Variants in ENTPD5 observed in about 807,000 individuals in gnomAD.
ENTPD5 encodes ectonucleoside triphosphate diphosphohydrolase 5 (inactive).
ENTPD5 carries 49 observed loss-of-function variants against 60.2 expected under a neutral mutation model. That is an observed-to-expected ratio of 0.81 (90% CI 0.65 to 1.03). The LOEUF is 1.03. Ranked by LOEUF, ENTPD5 falls within the 50% of genes least tolerant of loss-of-function variation. The pLI is 0.00. For missense variants in ENTPD5, 480 were observed against 507.6 expected, an observed-to-expected ratio of 0.95 and a Z score of 0.52; for synonymous variants, 187 against 185.4, an observed-to-expected ratio of 1.01 and a Z score of -0.07.
chr14:74,008,617 G>C (rs187783456), intron 3 of ENTPD5, among the ~76,000 whole-genome samples: 2 of 151,886 alleles, frequency 1.3e-5, no homozygotes, highest in African/African-American at 2.4e-5. Flanking sequence ...GGAGGGTCTC[G>C]ATCTCCTGAC....
chr14:74,017,715 G>A (rs1267768922), intron 1 of ENTPD5, among the ~76,000 whole-genome samples: 549 of 130,830 alleles, frequency 4.2e-3, no homozygotes, highest in Middle Eastern at 0.035. Flanking sequence ...GTGAAACTCT[G>A]TCTCTACCAA....
At chr14:74,013,906 T>C (rs535147064) in intron 2 of ENTPD5, among the ~76,000 whole-genome samples, 1 of 152,266 alleles carries the variant, frequency 6.6e-6, no homozygotes, top group East Asian at 1.9e-4. Context: ...ACTTAGGTAA[T>C]TTTTCATTGC....
intron 3 of ENTPD5, among the ~76,000 whole-genome samples, chr14:73,999,815 C>T (rs1294533145): frequency 6.7e-6 from 1 of 150,106 alleles, no homozygotes; most frequent in Non-Finnish European, 1.5e-5. Flanking sequence ...AAGGGCCGGG[C>T]GCAGTAGCTT....
At chr14:74,010,542 G>A (rs915016943) in intron 3 of ENTPD5, among the ~76,000 whole-genome samples, 2 of 150,164 alleles carry the variant, frequency 1.3e-5, no homozygotes, top group Admixed American at 6.6e-5. Flanking sequence ...CAACAAGAGC[G>A]AAACTCTATC....
chr14:73,956,120 G>T (rs962144865), downstream of ENTPD5: 5 of 612,376 alleles, frequency 8.2e-6, no homozygotes, highest in East Asian at 6.9e-5. Context: ...GTCAGGAGAT[G>T]GAGACCATCC....
At chr14:73,972,166 C>T (rs1251595577) in intron 13 of ENTPD5, among the ~76,000 whole-genome samples, 1 of 151,854 alleles carries the variant, frequency 6.6e-6, no homozygotes, top group Non-Finnish European at 1.5e-5. Flanking sequence ...ATAACGAGGT[C>T]AGGAGTTCAA....
chr14:73,983,989 C>T (rs1289507974), intron 5 of ENTPD5, among the ~76,000 whole-genome samples: 1 of 151,860 alleles, frequency 6.6e-6, no homozygotes. Context: ...CCGTGCCTGG[C>T]CAAATTATTC....
In ENTPD5 at chr14:74,008,617, G is replaced by A. The variant is rs187783456; in HGVS notation, c.-71+2474C>T. 2.2e-3 allele frequency among the ~76,000 whole-genome samples: 329 copies of A among 152,004 alleles called. 1 individual carries two copies. The highest frequency in any genetic ancestry group is 7.8e-3 in the African/African-American group (322 of 41,470). On this transcript the variant is annotated intron_variant, in intron 3 of 15. Coordinates refer to ENST00000334696, the MANE Select transcript of ENTPD5 (RefSeq NM_001249.5). ...TCACAGTGTTAGCCAGGAGGGTCTC[G>A]ATCTCCTGACCTCATGATCCACCCG...
At chr14:73,988,680 A>T (rs1309061700) in intron 3 of ENTPD5, among the ~76,000 whole-genome samples, 1 of 152,162 alleles carries the variant, frequency 6.6e-6, no homozygotes, top group Non-Finnish European at 1.5e-5. Flanking sequence ...ACACCCCACT[A>T]GCCTTCCCAG....
In ENTPD5 at chr14:73,972,953, CCT is replaced by C. The variant is rs1487813428; in HGVS notation, c.956_957del (p.Glu319GlyfsTer15). The C allele has an allele frequency of 6.2e-7, 1 of 1,614,114 alleles. No homozygotes were observed. Among genetic ancestry groups the C allele is most frequent in the Non-Finnish European group, 8.5e-7 (1 of 1,180,046 alleles). ...RVVRGKLHQPEEVQRGSFYAF... is the reference protein window; with the variant it reads ...RVVRGKLHQPXEVQRGSFYAF... Reference sequence around the variant, plus strand: ...GCATAGAAGGAACCTCTCTGGACCTCCTCTGGCTGGTGAAGTTTTCCTCGTAC... The same window carrying C: ...GCATAGAAGGAACCTCTCTGGACCTCCTGGCTGGTGAAGTTTTCCTCGTAC... On this transcript the variant is annotated frameshift_variant, in exon 13 of 16. Coordinates refer to ENST00000334696, the MANE Select transcript of ENTPD5 (RefSeq NM_001249.5). LOFTEE classifies it high-confidence loss of function.
At chr14:73,972,057 T>C in intron 13 of ENTPD5, 149 bp from the exon 14 acceptor site, 2 of 631,420 alleles carry the variant, frequency 3.2e-6, no homozygotes, top group South Asian at 3.8e-5. Flanking sequence ...GTTATGTATA[T>C]TTAACCACAA....
chr14:73,972,762 G>C, intron 13 of ENTPD5, 122 bp downstream of exon 13: 1 of 1,152,012 alleles, frequency 8.7e-7, no homozygotes, highest in East Asian at 2.4e-5. Context: ...TTTTGTTCGA[G>C]TGACTAGAAA....
chr14:73,972,628 A>G (rs988670594), intron 13 of ENTPD5, among the ~76,000 whole-genome samples: 1 of 152,140 alleles, frequency 6.6e-6, no homozygotes, highest in Non-Finnish European at 1.5e-5. Context: ...CTTAAATTGT[A>G]TACTTTAAAT....
In ENTPD5 at chr14:73,983,064, C is replaced by T; in HGVS notation, c.395G>A (p.Gly132Glu). 1 of 1,614,142 alleles carries T rather than the reference C, an allele frequency of 6.2e-7. No homozygotes were observed. Among genetic ancestry groups the T allele is most frequent in the Non-Finnish European group, 8.5e-7 (1 of 1,179,998 alleles). The change falls in exon 6 of 16, where the codon GGA (glycine) becomes GAA (glutamate). Residue 132 changes from glycine to glutamate, a missense_variant. Physicochemically the swap from Gly to Glu is moderately conservative, Grantham distance 98 (BLOSUM62 -2). Transcript: ENST00000334696. ...TTTGTGTTCTGGCAGTAAGCGTAGT[C>T]CTGCTGTTGCCTTTAGGACCACTGG... The part of the protein sequence containing the change: ...KTPVVLKATA[G>E]LRLLPEHKAK...
intron 5 of ENTPD5, among the ~76,000 whole-genome samples, chr14:73,984,149 T>C (rs540498362): frequency 6.6e-6 from 1 of 152,230 alleles, no homozygotes; most frequent in Admixed American, 6.5e-5. Context: ...TGCCTCAGCC[T>C]CCTGAGTAGC....
chr14:73,977,467 T>G lies in ENTPD5; in HGVS notation c.442-93A>C, dbSNP rs1030980976. The G allele has an allele frequency of 6.5e-6, 6 of 923,116 alleles. No homozygotes were observed. In the African/African-American group the frequency reaches 8.5e-5, roughly 13 times the overall value. 57.2% of individuals were successfully genotyped at this position (923,116 alleles called of 1,614,324 possible). On this transcript the variant is annotated intron_variant, in intron 6 of 15. Transcript: ENST00000334696. Reference sequence around the variant, plus strand: ...CAGTGTCCTGTAAGACTTAGAAAACTACTCCATTTTTCCTAGATAAAATTT... The same window carrying G: ...CAGTGTCCTGTAAGACTTAGAAAACGACTCCATTTTTCCTAGATAAAATTT...
At chr14:73,996,504 T>TAAAAAAAAAACAAAAAAAAAA (rs2058347109) in intron 3 of ENTPD5, 1 of 135,188 alleles carries the variant, frequency 7.4e-6, no homozygotes, top group African/African-American at 2.8e-5. Flanking sequence ...CTTGGTCTCT[T>TAAAAAAAAAACAAAAAAAAAA]AAAAAAAAAA....
intron 12 of ENTPD5, 81 bp from the exon 13 acceptor site, chr14:73,973,105 C>T: frequency 6.6e-7 from 1 of 1,524,374 alleles, no homozygotes. Context: ...CTGCTGGAGA[C>T]AATGAGGGAA....
chr14:73,989,076 C>G (rs1434825928), intron 3 of ENTPD5, among the ~76,000 whole-genome samples: 1 of 151,774 alleles, frequency 6.6e-6, no homozygotes, highest in East Asian at 2.0e-4. Flanking sequence ...CCCGCCTCGG[C>G]CTCCCAAAGT....
Sources: gnomAD v4.1 joint callset for allele counts (sites outside exome capture counted in the v4.1 genomes callset) on GRCh38, gnomAD v4.1.1 for gene constraint, MANE v1.5 for transcripts, NCBI Gene and HGNC (gene_info 2026-07-23, HGNC 2026-07-21) for gene names.